PCDH19: variants seen among roughly 807,000 people sequenced by gnomAD.
The protein encoded by PCDH19 is protocadherin-19.
A neutral mutation model predicts 46.2 loss-of-function variants in PCDH19; 6 were observed. That is an observed-to-expected ratio of 0.13 (90% CI 0.07 to 0.26). The LOEUF is 0.26. Among genes scored for constraint, PCDH19 ranks in the 10% least tolerant of loss-of-function variants. The pLI is 1.00. For missense variants in PCDH19, 740 were observed against 972.3 expected (o/e 0.76, Z 3.18); for synonymous variants, 481 against 415.7 (o/e 1.16, Z -1.91).
chrX:100,350,412 T>G (rs758941792), intron 4 of PCDH19, among the ~76,000 whole-genome samples: 2 of 112,078 alleles, frequency 1.8e-5, no homozygotes, highest in Non-Finnish European at 3.8e-5. Flanking sequence ...TACGTACATT[T>G]TCATACCAAG....
Position 100,399,883 on chromosome X carries a change from C to T in PCDH19, c.2616+2641G>A, listed in dbSNP as rs190079649. On this transcript the variant is annotated intron_variant, in intron 3 of 5. Transcript: ENST00000373034. ...ACAGGATCAGAACTGAGATTTTAAA[C>T]GGCTTTTCTAAATAATTGAAGCAAT... 8.0e-5 allele frequency among the ~76,000 whole-genome samples: 9 copies of T among 112,185 alleles called. No individual in the cohort carries two copies. The East Asian group carries it at 2.0e-3, about 24-fold the overall frequency.
intron 3 of PCDH19, among the ~76,000 whole-genome samples, chrX:100,394,667 T>C (rs1244218266): frequency 8.9e-6 from 1 of 111,818 alleles, no homozygotes; most frequent in Non-Finnish European, 1.9e-5. Flanking sequence ...CTGAAGCAAA[T>C]ATTAAATGCT....
intron 3 of PCDH19, among the ~76,000 whole-genome samples, chrX:100,386,721 A>G (rs1927725433): frequency 8.9e-6 from 1 of 111,841 alleles, no homozygotes; most frequent in Non-Finnish European, 1.9e-5. Flanking sequence ...GAACTGAACT[A>G]CAAAGGAGGC....
At chrX:100,370,897 A>G (rs867873594) in intron 3 of PCDH19, among the ~76,000 whole-genome samples, 1 of 102,465 alleles carries the variant, frequency 9.8e-6, no homozygotes, top group African/African-American at 4.5e-5. Context: ...ACCTTCATTA[A>G]CATTTTCCCT....
At chrX:100,379,336 CACACACACACA>C (rs772854440) in intron 3 of PCDH19, among the ~76,000 whole-genome samples, 1,985 of 7,650 alleles carry the variant, frequency 0.26, 46 homozygotes, top group Middle Eastern at 1. Context: ...CACACACACA[CACACACACACA>C]CATTTCCTCC....
intron 1 of PCDH19, among the ~76,000 whole-genome samples, chrX:100,403,945 TA>T (rs1331281371): frequency 3.6e-5 from 4 of 112,347 alleles, no homozygotes; most frequent in Non-Finnish European, 5.6e-5. Flanking sequence ...ACAATAGGGT[TA>T]ATAAGTAATA....
intron 5 of PCDH19, among the ~76,000 whole-genome samples, chrX:100,341,052 T>C (rs1926239736): frequency 8.9e-6 from 1 of 112,008 alleles, no homozygotes; most frequent in Non-Finnish European, 1.9e-5. Flanking sequence ...CATGTTTGCA[T>C]CAGTAAAATA....
At chrX:100,310,873 G>T (rs1269884918) in intron 5 of PCDH19, among the ~76,000 whole-genome samples, 1 of 109,375 alleles carries the variant, frequency 9.1e-6, no homozygotes, top group Admixed American at 9.9e-5. Context: ...CTTCTTTAGA[G>T]ACAAGATCTC....
chrX:100,381,023 G>T (rs1927537490), intron 3 of PCDH19, among the ~76,000 whole-genome samples: 1 of 111,880 alleles, frequency 8.9e-6, no homozygotes, highest in African/African-American at 3.3e-5. Context: ...AAAGTCCCAG[G>T]ATTATTTGAT....
At chrX:100,332,330 T>A (rs1186075342) in intron 5 of PCDH19, among the ~76,000 whole-genome samples, 1 of 111,381 alleles carries the variant, frequency 9.0e-6, no homozygotes, top group Non-Finnish European at 1.9e-5. Context: ...GAGACCAGCC[T>A]GGCCAACGTG....
intron 3 of PCDH19, among the ~76,000 whole-genome samples, chrX:100,355,189 T>G (rs908729879): frequency 1.2e-4 from 14 of 112,039 alleles, no homozygotes; most frequent in African/African-American, 4.5e-4. Flanking sequence ...GGTGTTATCC[T>G]TTAAGAACCA....
chrX:100,336,342 C>T (rs1252912047), intron 5 of PCDH19, among the ~76,000 whole-genome samples: 3 of 111,896 alleles, frequency 2.7e-5, no homozygotes, highest in African/African-American at 9.7e-5. Context: ...CTTTAAATGG[C>T]TAGAGGAAAC....
At chrX:100,306,459 G>C (rs756512030) in intron 5 of PCDH19, among the ~76,000 whole-genome samples, 7 of 111,254 alleles carry the variant, frequency 6.3e-5, no homozygotes, top group African/African-American at 3.3e-5. Context: ...ACATTAAAAA[G>C]TCTGAAAAGG....
chrX:100,341,212 TAG>T (rs1926243783), intron 5 of PCDH19, among the ~76,000 whole-genome samples: 1 of 111,930 alleles, frequency 8.9e-6, no homozygotes, highest in South Asian at 3.8e-4. Context: ...TTCACAGAAA[TAG>T]ACTCTTCTTC....
rs770137596 is a variant in PCDH19 at position 100,296,383 on chromosome X, C to G, written c.3341G>C (p.Arg1114Pro). The change falls in exon 6 of 6, where the codon CGT becomes CCT. Residue 1114 changes from arginine to proline, a missense_variant. Coordinates refer to ENST00000373034, the MANE Select transcript of PCDH19 (RefSeq NM_001184880.2). ...CATGACTTTCTCGCTATCAGCTCCA[C>G]GGGGCTCAGCTTCAGAGGGACGAGT... ...GPTRPSEAEP[R>P]GADSEKVMHE... 5 of 1,211,202 alleles carry G rather than the reference C, an allele frequency of 4.1e-6. No homozygotes were observed. The Admixed American group carries it at 1.1e-4, about 26-fold the overall frequency.
intron 3 of PCDH19, among the ~76,000 whole-genome samples, chrX:100,389,481 A>G (rs1349078373): frequency 9.0e-6 from 1 of 110,948 alleles, no homozygotes; most frequent in Non-Finnish European, 1.9e-5. Context: ...CATGGTGACT[A>G]TAATTAACAA....
At chrX:100,378,223 C>T (rs1173681287) in intron 3 of PCDH19, among the ~76,000 whole-genome samples, 1 of 112,576 alleles carries the variant, frequency 8.9e-6, no homozygotes, top group African/African-American at 3.2e-5. Flanking sequence ...TGTTAAATGT[C>T]CTTTGTGTTT....
Position 100,333,207 on chromosome X carries a change from A to G in PCDH19, c.2848+8696T>C, listed in dbSNP as rs1043598177. ...AGAGAAAGAAAGAAAGAAAGAAAGAAAGAAAGAAAGAAAGAAAGAAAGAAA... is the reference window on the plus strand; with the variant it reads ...AGAGAAAGAAAGAAAGAAAGAAAGAGAGAAAGAAAGAAAGAAAGAAAGAAA... On this transcript the variant is annotated intron_variant, in intron 5 of 5. Coordinates refer to ENST00000373034, the MANE Select transcript of PCDH19 (RefSeq NM_001184880.2). Among the ~76,000 whole-genome samples the G allele has an allele frequency of 2.9e-3, 287 of 98,469 alleles. 2 individuals carry two copies. Among genetic ancestry groups the G allele is most frequent in the African/African-American group, 7.4e-3 (195 of 26,230 alleles). The allele number at this position is 98,469 out of a possible 115,157, so 85.5% of individuals were successfully genotyped here.
At position 100,404,524 on chromosome X, in the gene PCDH19, G is replaced by A. The variant is rs555142691; in HGVS notation, c.2148-860C>T. On this transcript the variant is annotated intron_variant, in intron 1 of 5. Transcript: ENST00000373034. Reference sequence around the variant, plus strand: ...TATTAACCAATTATTTAATTATACTGTACTTCATTAATCCCAAACCATCAC... The same window carrying A: ...TATTAACCAATTATTTAATTATACTATACTTCATTAATCCCAAACCATCAC... 1.2e-3 allele frequency among the ~76,000 whole-genome samples: 136 copies of A among 111,214 alleles called. 1 individual carries two copies. The highest frequency in any genetic ancestry group is 3.0e-3 in the South Asian group (8 of 2,633).
Sources: allele counts gnomAD v4.1 joint callset (sites outside exome capture counted in the v4.1 genomes callset), GRCh38; gene constraint gnomAD v4.1.1; transcripts MANE v1.5; gene names NCBI Gene and HGNC (gene_info 2026-07-23, HGNC 2026-07-21).